CACNB2: variants seen among roughly 807,000 people sequenced by gnomAD.
CACNB2 encodes the protein calcium voltage-gated channel auxiliary subunit beta 2.
CACNB2 carries 42 observed loss-of-function variants against 73.3 expected under a neutral mutation model. That is an observed-to-expected ratio of 0.57 (90% CI 0.45 to 0.74). CACNB2 has a LOEUF of 0.74. Ranked by LOEUF, CACNB2 falls within the 30% of genes least tolerant of loss-of-function variation. The pLI, the probability that CACNB2 is intolerant of heterozygous loss-of-function variation, is 0.00. For synonymous variants in CACNB2, 348 were observed against 310.3 expected (o/e 1.12, Z -1.28); for missense variants, 940 against 853.0 (o/e 1.10, Z -1.27).
chr10:18,228,802 C>G (rs1056511710), intron 2 of CACNB2, among the ~76,000 whole-genome samples: 2 of 152,052 alleles, frequency 1.3e-5, no homozygotes, highest in African/African-American at 4.8e-5. Flanking sequence ...TGCAATGGTG[C>G]GATCCCAGCT....
chr10:18,481,205 TATATATATATATATATATATA>T lies in CACNB2; in HGVS notation c.334-17149_334-17129del, dbSNP rs1564599237. 1.8e-3 allele frequency among the ~76,000 whole-genome samples: 21 copies of T among 11,842 alleles called. 1 individual carries two copies. The highest frequency in any genetic ancestry group is 3.2e-3 in the Non-Finnish European group (17 of 5,278). The allele number at this position is 11,842 out of a possible 152,430, so 7.8% of individuals were successfully genotyped here. On this transcript the variant is annotated intron_variant, in intron 3 of 13. Coordinates refer to ENST00000324631, the MANE Select transcript of CACNB2 (RefSeq NM_201596.3). ...ATTACATCTTCGCTATATATATATATATATATATATATATATATATATATATTTTTTTTTTTTTTTTTTTTT... is the reference window on the plus strand; with the variant it reads ...ATTACATCTTCGCTATATATATATATTATATTTTTTTTTTTTTTTTTTTTT...
At chr10:18,447,255 G>A (rs1459933581) in intron 3 of CACNB2, among the ~76,000 whole-genome samples, 2 of 152,132 alleles carry the variant, frequency 1.3e-5, no homozygotes, top group African/African-American at 4.8e-5. Context: ...TTGTTAAAAT[G>A]TGTTAAATTT....
Position 18,197,942 on chromosome 10 carries a change from CAATT to C in CACNB2, c.213+46972_213+46975del, listed in dbSNP as rs918147928. Among the ~76,000 whole-genome samples, 354 of 147,078 alleles carry C rather than the reference CAATT, an allele frequency of 2.4e-3. 2 individuals carry two copies. The highest frequency in any genetic ancestry group is 8.5e-3 in the African/African-American group (342 of 40,450). On this transcript the variant is annotated intron_variant, in intron 2 of 13. Coordinates refer to ENST00000324631, the MANE Select transcript of CACNB2 (RefSeq NM_201596.3). ...TATATATTAATGGTTAATATATAGT[CAATT>C]AATTGTATTATAATCAATATACTTA...
At chr10:18,280,282 C>T (rs1438295036) in intron 2 of CACNB2, among the ~76,000 whole-genome samples, 1 of 152,102 alleles carries the variant, frequency 6.6e-6, no homozygotes, top group African/African-American at 2.4e-5. Context: ...TACTATTTAG[C>T]AGGTACTATC....
rs141069697 is a variant in CACNB2 at position 18,264,284 on chromosome 10, T to C, written c.213+113309T>C. On this transcript the variant is annotated intron_variant, in intron 2 of 13. Transcript: ENST00000324631. ...AATAATCTCATCATGGAAAATTGGG[T>C]ATCCATCCCATCAAGCATTTATCCT... is the stretch of plus-strand genomic sequence containing the variant. Among the ~76,000 whole-genome samples the C allele has an allele frequency of 4.9e-3, 751 of 152,310 alleles. 13 individuals carry two copies. The highest frequency in any genetic ancestry group is 0.017 in the African/African-American group (708 of 41,572).
At chr10:18,264,558 C>T (rs2037703918) in intron 2 of CACNB2, among the ~76,000 whole-genome samples, 1 of 152,178 alleles carries the variant, frequency 6.6e-6, no homozygotes, top group South Asian at 2.1e-4. Flanking sequence ...AAACAGACTT[C>T]TAACATGGTG....
intron 2 of CACNB2, among the ~76,000 whole-genome samples, chr10:18,188,597 GC>G (rs1322647081): frequency 2.0e-5 from 3 of 152,048 alleles, no homozygotes; most frequent in Non-Finnish European, 4.4e-5. Flanking sequence ...GAGCCCCTGT[GC>G]CCGGCCTTCT....
intron 3 of CACNB2, among the ~76,000 whole-genome samples, chr10:18,481,130 C>G (rs11014442): frequency 7.1e-6 from 1 of 140,556 alleles, no homozygotes; most frequent in Non-Finnish European, 1.5e-5. Flanking sequence ...ACTGGGCAGA[C>G]ACACCCAGTG....
intron 2 of CACNB2, among the ~76,000 whole-genome samples, chr10:18,352,028 C>A (rs2041728464): frequency 6.6e-6 from 1 of 152,186 alleles, no homozygotes. Context: ...GTTTGCAGAG[C>A]TCTGACAGAT....
chr10:18,221,800 A>G (rs1006721520), intron 2 of CACNB2, among the ~76,000 whole-genome samples: 17 of 152,198 alleles, frequency 1.1e-4, no homozygotes, highest in Admixed American at 5.9e-4. Context: ...TCTCTCCTCT[A>G]GTATAGTTTT....
At chr10:18,381,304 C>T (rs1350939244) in intron 2 of CACNB2, among the ~76,000 whole-genome samples, 1 of 151,574 alleles carries the variant, frequency 6.6e-6, no homozygotes, top group Non-Finnish European at 1.5e-5. Flanking sequence ...AACTCTCGTA[C>T]ATTACTGGTA....
intron 3 of CACNB2, among the ~76,000 whole-genome samples, chr10:18,487,163 A>G (rs575493989): frequency 8.5e-5 from 13 of 152,262 alleles, no homozygotes; most frequent in Admixed American, 2.6e-4. Flanking sequence ...TGGGGTCTCA[A>G]CCTGGCCAGC....
chr10:18,483,507 G>C (rs546755476), intron 3 of CACNB2, among the ~76,000 whole-genome samples: 1 of 148,164 alleles, frequency 6.7e-6, no homozygotes, highest in African/African-American at 2.5e-5. Context: ...CTCCAGCCTG[G>C]GCAATAAGAG....
chr10:18,282,344 G>A (rs2038589718), intron 2 of CACNB2, among the ~76,000 whole-genome samples: 1 of 152,192 alleles, frequency 6.6e-6, no homozygotes, highest in African/African-American at 2.4e-5. Context: ...GAGCAACAGA[G>A]GTGTCTGCTG....
At chr10:18,195,538 T>C (rs933523825) in intron 2 of CACNB2, among the ~76,000 whole-genome samples, 1 of 152,212 alleles carries the variant, frequency 6.6e-6, no homozygotes, top group Non-Finnish European at 1.5e-5. Context: ...GTCTCATAAA[T>C]GCATTCCACT....
Position 18,460,034 on chromosome 10 carries a change from T to C in CACNB2, c.334-38321T>C, listed in dbSNP as rs188590708. Reference sequence around the variant, plus strand: ...AAAAAAAGTCGAATACTAACATATTTGGGTTTCATTTAAGAAAATCATATC... The same window carrying C: ...AAAAAAAGTCGAATACTAACATATTCGGGTTTCATTTAAGAAAATCATATC... On this transcript the variant is annotated intron_variant, in intron 3 of 13. Coordinates refer to ENST00000324631, the MANE Select transcript of CACNB2 (RefSeq NM_201596.3). Among the ~76,000 whole-genome samples, 50 of 152,280 alleles carry C rather than the reference T, an allele frequency of 3.3e-4. No individual in the cohort carries two copies. In the East Asian group the frequency reaches 7.0e-3, roughly 21 times the overall value.
At chr10:18,512,734 C>G (rs1170212809) in intron 6 of CACNB2, among the ~76,000 whole-genome samples, 7 of 152,130 alleles carry the variant, frequency 4.6e-5, no homozygotes, top group Non-Finnish European at 1.0e-4. Flanking sequence ...TGGGATTCGG[C>G]AAACTCTTGA....
At chr10:18,496,185 C>CAAAAAA (rs57139534) in intron 3 of CACNB2, among the ~76,000 whole-genome samples, 2,098 of 83,890 alleles carry the variant, frequency 0.025, 100 homozygotes, top group South Asian at 0.079. Context: ...GACTCAGTCT[C>CAAAAAA]AAAAAAAAAA....
intron 2 of CACNB2, among the ~76,000 whole-genome samples, chr10:18,168,497 T>TTGTGTG (rs111401264): frequency 0.013 from 1,928 of 149,910 alleles, 25 homozygotes; most frequent in African/African-American, 0.038. Flanking sequence ...TCTTCCTTCT[T>TTGTGTG]TGTGTGTGTG....
Sources: gnomAD v4.1 joint callset for allele counts (sites outside exome capture counted in the v4.1 genomes callset) on GRCh38, gnomAD v4.1.1 for gene constraint, MANE v1.5 for transcripts, NCBI Gene and HGNC (gene_info 2026-07-23, HGNC 2026-07-21) for gene names.